Variants in COL6A6 observed in about 807,000 individuals in gnomAD.
COL6A6 encodes collagen type VI alpha 6 chain.
COL6A6 carries 183 observed loss-of-function variants against 208.6 expected under a neutral mutation model. The observed-to-expected ratio is 0.88, with a 90% CI of 0.78 to 0.99. The LOEUF (loss-of-function observed/expected upper bound fraction) is 0.99, where lower values mean the gene tolerates loss of function less well. Among genes scored for constraint, COL6A6 ranks in the 50% least tolerant of loss-of-function variants. The pLI is 0.00. For missense variants in COL6A6, 2,816 were observed against 2,815.2 expected, an observed-to-expected ratio of 1.00 and a Z score of -0.01; for synonymous variants, 973 against 1,011.8, an observed-to-expected ratio of 0.96 and a Z score of 0.73.
chr3:130,538,219 T>C (rs894652517), intron 1 of COL6A6, among the ~76,000 whole-genome samples: 22 of 152,164 alleles, frequency 1.4e-4, no homozygotes, highest in African/African-American at 5.3e-4. Context: ...TAAAAAATTA[T>C]ACCTACTTTA....
At chr3:130,564,626 C>A (rs2062973064) in intron 3 of COL6A6, among the ~76,000 whole-genome samples, 1 of 152,174 alleles carries the variant, frequency 6.6e-6, no homozygotes, top group Non-Finnish European at 1.5e-5. Flanking sequence ...AATATTTGGA[C>A]TGTAACTGCT....
At chr3:130,673,136 G>T (rs1187185241) in intron 36 of COL6A6, among the ~76,000 whole-genome samples, 1 of 139,634 alleles carries the variant, frequency 7.2e-6, no homozygotes, top group East Asian at 2.1e-4. Context: ...CCGAGATCGT[G>T]CCACTGCACT....
chr3:130,522,762 A>G (rs1268592703), intron 1 of COL6A6, among the ~76,000 whole-genome samples: 5 of 152,044 alleles, frequency 3.3e-5, no homozygotes, highest in African/African-American at 1.2e-4. Flanking sequence ...TGTCCTTCTC[A>G]CTTCATCAAC....
chr3:130,546,147 C>T (rs774856951), intron 1 of COL6A6, among the ~76,000 whole-genome samples: 23 of 152,108 alleles, frequency 1.5e-4, no homozygotes, highest in African/African-American at 4.1e-4. Flanking sequence ...AATGAAGCCC[C>T]GGACCCTCGC....
intron 1 of COL6A6, among the ~76,000 whole-genome samples, chr3:130,523,760 T>C (rs538530025): frequency 6.6e-6 from 1 of 152,320 alleles, no homozygotes; most frequent in South Asian, 2.1e-4. Flanking sequence ...GAGGAAAGTA[T>C]CATTTAGCTA....
chr3:130,606,343 T>C (rs573598773), intron 20 of COL6A6, among the ~76,000 whole-genome samples: 1 of 152,142 alleles, frequency 6.6e-6, no homozygotes, highest in Non-Finnish European at 1.5e-5. Context: ...TTTGATTGAA[T>C]ATTAATATAC....
chr3:130,522,897 G>C (rs9865340), intron 1 of COL6A6, among the ~76,000 whole-genome samples: 14,184 of 150,408 alleles, frequency 0.094, 1,233 homozygotes, highest in African/African-American at 0.23. Flanking sequence ...ACTCAACACC[G>C]GCCTCCTAGT....
At chr3:130,542,669 T>C (rs540876250) in intron 1 of COL6A6, among the ~76,000 whole-genome samples, 2 of 152,294 alleles carry the variant, frequency 1.3e-5, no homozygotes, top group East Asian at 3.9e-4. Flanking sequence ...CTCTTCACAG[T>C]TCTATTGGTT....
At chr3:130,556,842 C>A (rs931665501) in intron 1 of COL6A6, among the ~76,000 whole-genome samples, 7 of 152,138 alleles carry the variant, frequency 4.6e-5, no homozygotes, top group Non-Finnish European at 8.8e-5. Flanking sequence ...ATGCTCCCTC[C>A]CTTGCTACTG....
intron 36 of COL6A6, among the ~76,000 whole-genome samples, chr3:130,668,873 A>T (rs993178401): frequency 1.3e-5 from 2 of 152,248 alleles, no homozygotes; most frequent in Non-Finnish European, 1.5e-5. Flanking sequence ...TAAAAGATGT[A>T]AACATAAGTA....
Position 130,567,183 on chromosome 3 carries a change from G to C in COL6A6, c.1764G>C (p.Lys588Asn), listed in dbSNP as rs746268517. 4 of 1,613,612 alleles carry C rather than the reference G, an allele frequency of 2.5e-6. No individual in the cohort carries two copies. Among genetic ancestry groups the C allele is most frequent in the Non-Finnish European group, 3.4e-6 (4 of 1,179,872 alleles). Residue 588 changes from lysine (K) to asparagine (N), a missense_variant, in exon 5 of 37, where the codon AAG (lysine) becomes AAC (asparagine). Transcript: ENST00000358511. ...TGAGAGAAATTGCAGGAGAGGAAAA[G>C]AGAGTGTATTACGTGCATGACTTTG... ...TQLREIAGEE[K>N]RVYYVHDFDA...
chr3:130,670,650 G>C (rs569104299), intron 36 of COL6A6, among the ~76,000 whole-genome samples: 1 of 152,276 alleles, frequency 6.6e-6, no homozygotes, highest in South Asian at 2.1e-4. Context: ...CTTGGGACAG[G>C]GAAGGCAGCG....
At chr3:130,594,386 A>G (rs1407087553) in intron 18 of COL6A6, 43 bp downstream of exon 18, 3 of 1,486,630 alleles carry the variant, frequency 2.0e-6, no homozygotes, top group Non-Finnish European at 2.8e-6. Context: ...CTTGATTCCC[A>G]TCCGTACTTC....
intron 28 of COL6A6, 110 bp downstream of exon 28, chr3:130,635,871 C>A: frequency 3.8e-6 from 3 of 789,470 alleles, no homozygotes; most frequent in Non-Finnish European, 6.3e-6. Flanking sequence ...TTGCAAAATG[C>A]ATGTGTTTTC....
chr3:130,652,709 C>G (rs1046350995), intron 33 of COL6A6, among the ~76,000 whole-genome samples: 2 of 152,222 alleles, frequency 1.3e-5, no homozygotes, highest in African/African-American at 4.8e-5. Flanking sequence ...TTTCTTTTAT[C>G]CATTCTCTTC....
chr3:130,598,331 T>C, intron 18 of COL6A6, 34 bp from the exon 19 acceptor site: 2 of 1,388,722 alleles, frequency 1.4e-6, no homozygotes, highest in Non-Finnish European at 2.0e-6. Context: ...AATGTCCAAA[T>C]ATATTAATTT....
intron 33 of COL6A6, among the ~76,000 whole-genome samples, chr3:130,655,192 G>A (rs527513571): frequency 6.6e-6 from 1 of 152,200 alleles, no homozygotes; most frequent in South Asian, 2.1e-4. Context: ...CCTCCAAAGT[G>A]CCTCATAGAT....
At chr3:130,609,469 C>T (rs1424337240) in intron 22 of COL6A6, among the ~76,000 whole-genome samples, 2 of 152,134 alleles carry the variant, frequency 1.3e-5, no homozygotes, top group Non-Finnish European at 2.9e-5. Context: ...GGCACTTTTT[C>T]CTTTGCAAGG....
intron 4 of COL6A6, 24 bp downstream of exon 4, chr3:130,565,638 G>A: frequency 6.3e-7 from 1 of 1,575,840 alleles, no homozygotes; most frequent in African/African-American, 1.4e-5. Flanking sequence ...CTGAAAGAAG[G>A]GTTGTTTGGA....
Sources: gnomAD v4.1 joint callset for allele counts (sites outside exome capture counted in the v4.1 genomes callset) on GRCh38, gnomAD v4.1.1 for gene constraint, MANE v1.5 for transcripts, NCBI Gene and HGNC (gene_info 2026-07-23, HGNC 2026-07-21) for gene names.